Variants in CDK13 observed in about 807,000 individuals in gnomAD.
CDK13 encodes the protein cyclin dependent kinase 13.
In CDK13, 40 loss-of-function variants were observed where a neutral mutation model predicts 137.6. The observed-to-expected ratio is 0.29, with a 90% CI of 0.23 to 0.38. The LOEUF (loss-of-function observed/expected upper bound fraction) is 0.38, where lower values mean the gene tolerates loss of function less well. Ranked by LOEUF, CDK13 falls within the 10% of genes least tolerant of loss-of-function variation. The pLI is 1.00. For missense variants in CDK13, 1,704 were observed against 1,951.8 expected, an observed-to-expected ratio of 0.87 and a Z score of 2.39; for synonymous variants, 869 against 760.1, an observed-to-expected ratio of 1.14 and a Z score of -2.36.
intron 1 of CDK13, chr7:39,984,136 A>C (rs1697577852): frequency 6.6e-6 from 1 of 152,222 alleles, no homozygotes; most frequent in African/African-American, 2.4e-5. Flanking sequence ...GGAAATTTTC[A>C]GTGTCCAGGC....
chr7:39,999,514 G>A lies in CDK13; in HGVS notation c.2182+14G>A, dbSNP rs1583969533. 2 of 1,586,168 alleles carry A rather than the reference G, an allele frequency of 1.3e-6. No homozygotes were observed. The highest frequency in any genetic ancestry group is 1.1e-5 in the South Asian group (1 of 87,028). On this transcript the variant is annotated intron_variant, in intron 4 of 13. Transcript: ENST00000181839. ...ATAAAGACACTGGTAAGAATGCCAA[G>A]TTCTGGGGATCTTTGGGCCTACGGA...
chr7:39,991,350 AAG>A (rs1784451186), intron 2 of CDK13, among the ~76,000 whole-genome samples: 1 of 152,216 alleles, frequency 6.6e-6, no homozygotes, highest in African/African-American at 2.4e-5. Flanking sequence ...CACTTTAAAG[AAG>A]AGTGAGTAAT....
At chr7:40,004,767 A>G (rs1318178698) in intron 5 of CDK13, among the ~76,000 whole-genome samples, 1 of 152,254 alleles carries the variant, frequency 6.6e-6, no homozygotes, top group African/African-American at 2.4e-5. Flanking sequence ...TAAACAATGT[A>G]AATATGCAAA....
At position 39,988,243 on chromosome 7, in the gene CDK13, A is replaced by T; in HGVS notation, c.1856A>T (p.Asp619Val). 6.3e-7 allele frequency: 1 copy of T among 1,596,844 alleles called. No homozygotes were observed. Among genetic ancestry groups the T allele is most frequent in the South Asian group, 1.1e-5 (1 of 87,346 alleles). ...PLPLPPMLPEDKEADSLRGNI... is the reference protein window; with the variant it reads ...PLPLPPMLPEVKEADSLRGNI... ...CCTTTGCCTCCCATGCTGCCTGAAG[A>T]TAAAGAAGCTGATAGGTAAGTGCAA... Residue 619 changes from aspartate (D) to valine (V), a missense_variant, in exon 2 of 14, where the codon GAT (aspartate) becomes GTT (valine). Transcript: ENST00000181839.
At chr7:40,065,249 A>G (rs1247962856) in intron 9 of CDK13, among the ~76,000 whole-genome samples, 1 of 152,016 alleles carries the variant, frequency 6.6e-6, no homozygotes, top group Admixed American at 6.6e-5. Context: ...AATTCTCTAA[A>G]ATAGAATAAA....
At chr7:39,967,081 G>T (rs1048406770) in intron 1 of CDK13, among the ~76,000 whole-genome samples, 11 of 152,138 alleles carry the variant, frequency 7.2e-5, no homozygotes, top group African/African-American at 2.7e-4. Flanking sequence ...GAGGAGGCCG[G>T]CTGTCTGTTC....
intron 12 of CDK13, chr7:40,092,374 TA>T (rs1786943986): frequency 1.2e-5 from 2 of 160,826 alleles, no homozygotes; most frequent in South Asian, 3.5e-4. Flanking sequence ...AAAAGGAGGC[TA>T]ATAATAGAGT....
intron 12 of CDK13, 95 bp downstream of exon 12, chr7:40,088,426 A>G (rs1212637503): frequency 2.0e-6 from 2 of 986,828 alleles, no homozygotes; most frequent in Non-Finnish European, 3.0e-6. Flanking sequence ...GTGGCTAACA[A>G]TGAAAATTAA....
At chr7:40,039,547 T>C (rs986289666) in intron 5 of CDK13, among the ~76,000 whole-genome samples, 22 of 148,054 alleles carry the variant, frequency 1.5e-4, no homozygotes, top group African/African-American at 5.5e-4. Context: ...TTCTCATGCC[T>C]CAGCCTCCTG....
intron 2 of CDK13, among the ~76,000 whole-genome samples, chr7:39,993,932 C>G (rs1162720494): frequency 1.3e-5 from 2 of 152,028 alleles, no homozygotes; most frequent in African/African-American, 4.8e-5. Flanking sequence ...TGGATAGTGT[C>G]AATTTTGACA....
At position 40,096,057 on chromosome 7, in the gene CDK13, G is replaced by C. The variant is rs1301568479; in HGVS notation, c.*1077G>C. 6.6e-6 allele frequency: 1 copy of C among 152,170 alleles called. No homozygotes were observed. Among genetic ancestry groups the C allele is most frequent in the Non-Finnish European group, 1.5e-5 (1 of 68,036 alleles). The allele number at this position is 152,170 out of a possible 1,614,324, so 9.4% of individuals were successfully genotyped here. On this transcript the variant is annotated 3_prime_UTR_variant, in exon 14 of 14. Transcript: ENST00000181839. ...ATTATCCCTGTTTCCATTTGCCATG[G>C]ATAATTGGAGGGTCATGGTATAGAA...
chr7:40,049,565 C>G (rs1384442091), intron 7 of CDK13, among the ~76,000 whole-genome samples: 1 of 152,140 alleles, frequency 6.6e-6, no homozygotes, highest in African/African-American at 2.4e-5. Context: ...GAGCTAATTA[C>G]TATGCATTAC....
chr7:39,997,808 G>T, intron 3 of CDK13, 144 bp downstream of exon 3: 1 of 608,712 alleles, frequency 1.6e-6, no homozygotes, highest in Non-Finnish European at 2.7e-6. Flanking sequence ...TTAGAGTTTT[G>T]AAAAAAATCA....
chr7:39,951,870 G>A lies in CDK13; in HGVS notation c.1211+18G>A, dbSNP rs1583895380. On this transcript the variant is annotated intron_variant, in intron 1 of 13. Transcript: ENST00000181839. ...GTGCTCAGGTGAGTTCTGCCGTTCT[G>A]CCTGTGTGTGCCTTGGCTGCGCTGG... 7.4e-7 allele frequency: 1 copy of A among 1,342,780 alleles called. No homozygotes were observed. Among genetic ancestry groups the A allele is most frequent in the Non-Finnish European group, 9.6e-7 (1 of 1,045,478 alleles). The allele number at this position is 1,342,780 out of a possible 1,614,324, so 83.2% of individuals were successfully genotyped here.
chr7:40,028,307 C>A (rs1281970942), intron 5 of CDK13, among the ~76,000 whole-genome samples: 2 of 151,618 alleles, frequency 1.3e-5, no homozygotes, highest in Admixed American at 6.6e-5. Flanking sequence ...CAAGCTCCGC[C>A]TCCCAGGTTC....
chr7:40,038,207 A>AT (rs1785527507), intron 5 of CDK13, among the ~76,000 whole-genome samples: 1 of 152,018 alleles, frequency 6.6e-6, no homozygotes, highest in Non-Finnish European at 1.5e-5. Context: ...TTTTTTATAT[A>AT]TAAAAAAAGG....
chr7:39,981,438 T>C (rs1784221695), intron 1 of CDK13, among the ~76,000 whole-genome samples: 1 of 152,142 alleles, frequency 6.6e-6, no homozygotes, highest in Non-Finnish European at 1.5e-5. Context: ...TTCAGTTCTT[T>C]TAGTAAAACA....
chr7:39,950,305 C>A lies in CDK13; in HGVS notation c.-337C>A, dbSNP rs1369035191. The A allele has an allele frequency of 9.1e-7, 1 of 1,102,584 alleles. No homozygotes were observed. Among genetic ancestry groups the A allele is most frequent in the Non-Finnish European group, 1.1e-6 (1 of 905,522 alleles). 68.3% of individuals were successfully genotyped at this position (1,102,584 alleles called of 1,614,324 possible). ...CGAGAGCGCGGCCAAGGCCGCTCCC[C>A]CACCCCCGGGGGCACTTGGAGGACT... On this transcript the variant is annotated 5_prime_UTR_variant, in exon 1 of 14. Coordinates refer to ENST00000181839, the MANE Select transcript of CDK13 (RefSeq NM_003718.5).
intron 5 of CDK13, among the ~76,000 whole-genome samples, chr7:40,022,133 C>T (rs1350264823): frequency 6.6e-6 from 1 of 152,150 alleles, no homozygotes; most frequent in East Asian, 1.9e-4. Flanking sequence ...TTTCAGCATT[C>T]GAAGGTTTGA....
Sources: gnomAD v4.1 joint callset for allele counts (sites outside exome capture counted in the v4.1 genomes callset) on GRCh38, gnomAD v4.1.1 for gene constraint, MANE v1.5 for transcripts, NCBI Gene and HGNC (gene_info 2026-07-23, HGNC 2026-07-21) for gene names.